ELP3: variants seen among roughly 807,000 people sequenced by gnomAD.
ELP3 encodes elongator acetyltransferase complex subunit 3, also known as elongator complex protein 3.
ELP3 carries 56 observed loss-of-function variants against 74.9 expected under a neutral mutation model. That is an observed-to-expected ratio of 0.75 (90% CI 0.60 to 0.93). ELP3 has a LOEUF of 0.93. Among genes scored for constraint, ELP3 ranks in the 40% least tolerant of loss-of-function variants. The pLI, the probability that ELP3 is intolerant of heterozygous loss-of-function variation, is 0.00. For missense variants in ELP3, 573 were observed against 686.5 expected (o/e 0.83, Z 1.85); for synonymous variants, 222 against 239.8 (o/e 0.93, Z 0.68).
chr8:28,123,828 G>C lies in ELP3; in HGVS notation c.618-5674G>C, dbSNP rs770265550. On this transcript the variant is annotated intron_variant, in intron 7 of 14. Transcript: ENST00000256398. ...CAGTTTACTTGGTGTTAATTTAGCC[G>C]TCATGTGCTTACTGTTTGCCCTGTG... Among the ~76,000 whole-genome samples the C allele has an allele frequency of 1.3e-3, 201 of 151,372 alleles. 1 individual carries two copies. The highest frequency in any genetic ancestry group is 2.5e-3 in the South Asian group (12 of 4,812).
intron 11 of ELP3, 36 bp downstream of exon 11, chr8:28,156,068 G>A (rs761004441): frequency 7.8e-6 from 12 of 1,533,162 alleles, no homozygotes; most frequent in Non-Finnish European, 1.1e-5. Context: ...CACAACTGTT[G>A]AGAAAAAGAG....
At chr8:28,090,930 G>A (rs1457419004), upstream of ELP3, among the ~76,000 whole-genome samples, 18 of 139,728 alleles carry the variant, frequency 1.3e-4, no homozygotes, top group Middle Eastern at 7.8e-3. Context: ...TTTTTGAGCC[G>A]GAGTCTCACT....
At chr8:28,114,513 T>C (rs187477574) in intron 7 of ELP3, among the ~76,000 whole-genome samples, 1 of 150,652 alleles carries the variant, frequency 6.6e-6, no homozygotes, top group Non-Finnish European at 1.5e-5. Context: ...TGCAGGGAGG[T>C]GCCACACTCT....
intron 11 of ELP3, 60 bp downstream of exon 11, chr8:28,156,092 G>T (rs200280898): frequency 1.4e-6 from 2 of 1,430,058 alleles, no homozygotes; most frequent in South Asian, 2.4e-5. Context: ...TCTGAAACAC[G>T]AAAGACTTTG....
Position 28,158,611 on chromosome 8 carries a change from A to G in ELP3, c.1235A>G (p.His412Arg), listed in dbSNP as rs770424664. The G allele has an allele frequency of 1.2e-6, 2 of 1,613,118 alleles. No individual in the cohort carries two copies. The highest frequency in any genetic ancestry group is 1.3e-5 in the African/African-American group (1 of 74,626). Residue 412 changes from histidine to arginine, a missense_variant, in exon 12 of 15, where the codon CAT becomes CGT. Coordinates refer to ENST00000256398, the MANE Select transcript of ELP3 (RefSeq NM_018091.6). ...AGAGAAGTTGGAATCCAAGAAATTC[A>G]TCACAAAGTACGGCCATACCAGGTT... ...RTREVGIQEI[H>R]HKVRPYQVEL...
rs1811115013 is a variant in ELP3 at position 28,093,253 on chromosome 8, T to C, written c.19+20T>C. 6.2e-7 allele frequency: 1 copy of C among 1,612,752 alleles called. No homozygotes were observed. The highest frequency in any genetic ancestry group is 8.5e-7 in the Non-Finnish European group (1 of 1,179,748). On this transcript the variant is annotated intron_variant, in intron 1 of 14. Transcript: ENST00000256398. ...GGAAAGGTGCGAAAGGGGAAGGAGA[T>C]GGGGGAAAGGGGTGGTCCGAAAGGG...
chr8:28,157,553 T>A (rs1481036312), intron 11 of ELP3, among the ~76,000 whole-genome samples: 1 of 152,200 alleles, frequency 6.6e-6, no homozygotes, highest in Non-Finnish European at 1.5e-5. Flanking sequence ...TACAACTGAA[T>A]AATGAGCTCT....
At chr8:28,101,493 G>A (rs1276130864) in intron 3 of ELP3, among the ~76,000 whole-genome samples, 1 of 151,938 alleles carries the variant, frequency 6.6e-6, no homozygotes, top group African/African-American at 2.4e-5. Context: ...TCTACCCTAG[G>A]GCAACCATTT....
intron 1 of ELP3, among the ~76,000 whole-genome samples, chr8:28,096,203 C>T (rs572995876): frequency 6.6e-6 from 1 of 152,314 alleles, no homozygotes; most frequent in East Asian, 1.9e-4. Flanking sequence ...TGCAGGAAAA[C>T]AAGCTCAGGG....
intron 14 of ELP3, among the ~76,000 whole-genome samples, chr8:28,169,999 C>T (rs1032091708): frequency 1.3e-3 from 196 of 152,200 alleles, no homozygotes; most frequent in African/African-American, 4.5e-3. Flanking sequence ...AAGATGGCAG[C>T]CATAGTATTT....
At chr8:28,166,634 G>A (rs534277513) in intron 14 of ELP3, among the ~76,000 whole-genome samples, 1 of 152,280 alleles carries the variant, frequency 6.6e-6, no homozygotes, top group South Asian at 2.1e-4. Context: ...CTCTTATAAT[G>A]TAAAGTGCAA....
Position 28,132,199 on chromosome 8 carries a change from T to C in ELP3, c.780-79T>C, listed in dbSNP as rs547890457. On this transcript the variant is annotated intron_variant, in intron 8 of 14. Transcript: ENST00000256398. ...TTTTCCCCTTGTTCCTTGTGTTAAC[T>C]TTGTCACCCATTTATTTGTGTAACA... is the stretch of plus-strand genomic sequence containing the variant. The C allele has an allele frequency of 4.9e-5, 73 of 1,495,436 alleles. No individual in the cohort carries two copies. The South Asian group carries it at 7.8e-4, about 16-fold the overall frequency. 92.6% of individuals were successfully genotyped at this position (1,495,436 alleles called of 1,614,324 possible). A position where few individuals can be genotyped will look rare whatever the true frequency, so the allele number is the denominator to read the frequency against.
upstream of ELP3, chr8:28,092,993 C>G: frequency 1.1e-5 from 8 of 695,758 alleles, no homozygotes; most frequent in Non-Finnish European, 2.0e-5. Flanking sequence ...AGACCCGGGG[C>G]AGGATCGCAG....
Position 28,113,106 on chromosome 8 carries a change from T to G in ELP3, c.550T>G (p.Tyr184Asp). 3 of 1,613,990 alleles carry G rather than the reference T, an allele frequency of 1.9e-6. No homozygotes were observed. Among genetic ancestry groups the G allele is most frequent in the Non-Finnish European group, 2.5e-6 (3 of 1,179,920 alleles). The stretch of plus-strand genomic sequence containing the variant: ...GGCCCTTCCAGAAGAATACAGAGAT[T>G]ATTTTATTCGAAATTTACATGATGC... ...FMALPEEYRDYFIRNLHDALS... is the reference protein window; with the variant it reads ...FMALPEEYRDDFIRNLHDALS... Residue 184 changes from tyrosine (Y) to aspartate (D), a missense_variant, in exon 7 of 15, where the codon TAT becomes GAT. Physicochemically the swap from Tyr to Asp is radical, Grantham distance 160 (BLOSUM62 -3). Transcript: ENST00000256398.
chr8:28,185,640 G>A (rs550967840), intron 14 of ELP3, among the ~76,000 whole-genome samples: 1 of 152,158 alleles, frequency 6.6e-6, no homozygotes, highest in African/African-American at 2.4e-5. Context: ...GTCTCCTGGT[G>A]GGGGATGAGT....
chr8:28,168,414 T>C (rs79147362), intron 14 of ELP3, among the ~76,000 whole-genome samples: 4,293 of 152,288 alleles, frequency 0.028, 222 homozygotes, highest in African/African-American at 0.098. Flanking sequence ...GATCTTGAAG[T>C]CCAGCCTTGC....
intron 10 of ELP3, among the ~76,000 whole-genome samples, chr8:28,150,913 C>T (rs944133679): frequency 2.6e-5 from 4 of 152,180 alleles, no homozygotes; most frequent in African/African-American, 7.2e-5. Context: ...CCCACCTCAG[C>T]CTCCCAAATA....
chr8:28,136,048 G>A (rs1057385745), intron 9 of ELP3, among the ~76,000 whole-genome samples: 2 of 148,972 alleles, frequency 1.3e-5, no homozygotes, highest in African/African-American at 2.5e-5. Context: ...TGCAACCTCC[G>A]CCTCCTGGGT....
intron 14 of ELP3, among the ~76,000 whole-genome samples, chr8:28,170,160 T>C (rs1159783944): frequency 6.6e-6 from 1 of 152,200 alleles, no homozygotes; most frequent in African/African-American, 2.4e-5. Context: ...GTTCTGTTGG[T>C]CAGAGTCACT....
Sources: gnomAD v4.1 joint callset for allele counts (sites outside exome capture counted in the v4.1 genomes callset) on GRCh38, gnomAD v4.1.1 for gene constraint, MANE v1.5 for transcripts, NCBI Gene and HGNC (gene_info 2026-07-23, HGNC 2026-07-21) for gene names.